CENPE: variants seen among roughly 807,000 people sequenced by gnomAD.
The protein encoded by CENPE is centromere protein E.
CENPE carries 145 observed loss-of-function variants against 336.1 expected under a neutral mutation model. The ratio of observed to expected loss-of-function variants is 0.43; its 90% CI spans 0.38 to 0.50. The LOEUF is 0.50. Among genes scored for constraint, CENPE ranks in the 20% least tolerant of loss-of-function variants. The pLI is 0.00. For synonymous variants in CENPE, 1,013 were observed against 984.8 expected (o/e 1.03, Z -0.54); for missense variants, 2,719 against 3,023.3 (o/e 0.90, Z 2.36).
intron 45 of CENPE, among the ~76,000 whole-genome samples, chr4:103,115,029 G>A (rs541749724): frequency 6.6e-6 from 1 of 152,274 alleles, no homozygotes; most frequent in Admixed American, 6.5e-5. Flanking sequence ...GACATTTTAT[G>A]AGTTGTTAGT....
At position 103,112,638 on chromosome 4, in the gene CENPE, G is replaced by GTC. The variant is rs1317443506; in HGVS notation, c.7541-1628_7541-1627insGA. 1.0e-4 allele frequency among the ~76,000 whole-genome samples: 13 copies of GTC among 128,600 alleles called. No individual in the cohort carries two copies. In the East Asian group the frequency reaches 1.5e-3, roughly 15 times the overall value. The allele number at this position is 128,600 out of a possible 152,430, so 84.4% of individuals were successfully genotyped here. ...TATATATACTTGTAAGTATATATAAGTGGATATATACTTATAAGTATATAT... is the reference window on the plus strand; with the variant it reads ...TATATATACTTGTAAGTATATATAAGTCTGGATATATACTTATAAGTATATAT... On this transcript the variant is annotated intron_variant, in intron 46 of 48. Transcript: ENST00000265148.
Position 103,133,709 on chromosome 4 carries a change from C to T in CENPE, c.6706G>A (p.Asp2236Asn). 6.3e-7 allele frequency: 1 copy of T among 1,579,978 alleles called. No homozygotes were observed. Among genetic ancestry groups the T allele is most frequent in the Non-Finnish European group, 8.7e-7 (1 of 1,152,930 alleles). Residue 2236 changes from aspartate (D) to asparagine (N), a missense_variant, in exon 41 of 49, where the codon GAT becomes AAT. Transcript: ENST00000265148. ...LRDLKLNQNM[D>N]LHIEEILKDF... ...ATAAATTATACCTCAATATGTAGAT[C>T]CATATTCTGGTTCAATTTGAGATCC...
At chr4:103,113,796 G>A (rs1040017824) in intron 46 of CENPE, among the ~76,000 whole-genome samples, 2 of 150,390 alleles carry the variant, frequency 1.3e-5, no homozygotes, top group East Asian at 1.9e-4. Context: ...CTAACCCCAC[G>A]ATTTCATATA....
chr4:103,175,746 G>C (rs1755799098), intron 15 of CENPE, among the ~76,000 whole-genome samples: 1 of 152,082 alleles, frequency 6.6e-6, no homozygotes, highest in African/African-American at 2.4e-5. Context: ...AAGAGCTAGA[G>C]GCAAAGGTTT....
chr4:103,191,707 A>G (rs1480617390), intron 8 of CENPE, among the ~76,000 whole-genome samples: 1 of 152,050 alleles, frequency 6.6e-6, no homozygotes, highest in Non-Finnish European at 1.5e-5. Flanking sequence ...TGACGAGTTA[A>G]TGGGTGCAGT....
Position 103,133,912 on chromosome 4 carries a change from C to A in CENPE, c.6523-20G>T. 1 of 1,497,254 alleles carries A rather than the reference C, an allele frequency of 6.7e-7. No homozygotes were observed. The highest frequency in any genetic ancestry group is 2.3e-5 in the East Asian group (1 of 43,198). The allele number at this position is 1,497,254 out of a possible 1,614,324, so 92.7% of individuals were successfully genotyped here. On this transcript the variant is annotated intron_variant, in intron 40 of 48. Transcript: ENST00000265148. Reference sequence around the variant, plus strand: ...CACATACTTGCAGAAAAAAATTAAACAAATTGGTAAATGAAAATTTTGTCA... The same window carrying A: ...CACATACTTGCAGAAAAAAATTAAAAAAATTGGTAAATGAAAATTTTGTCA...
At chr4:103,166,405 AG>A (rs759364141) in intron 16 of CENPE, among the ~76,000 whole-genome samples, 15 of 152,196 alleles carry the variant, frequency 9.9e-5, no homozygotes, top group African/African-American at 1.7e-4. Context: ...CATAAAACCT[AG>A]TTTTATTGAT....
intron 44 of CENPE, among the ~76,000 whole-genome samples, chr4:103,117,374 A>G (rs1331293617): frequency 6.6e-6 from 1 of 152,172 alleles, no homozygotes; most frequent in Non-Finnish European, 1.5e-5. Flanking sequence ...GGTTTTGACA[A>G]ATGTAAAATG....
intron 29 of CENPE, among the ~76,000 whole-genome samples, chr4:103,146,641 A>G (rs937982787): frequency 6.6e-6 from 1 of 152,166 alleles, no homozygotes; most frequent in African/African-American, 2.4e-5. Context: ...ATGAATTGAA[A>G]TAAGACCGGC....
chr4:103,141,974 GA>G, intron 34 of CENPE, 66 bp from the exon 35 acceptor site: 1 of 1,000,844 alleles, frequency 1.0e-6, no homozygotes, highest in Non-Finnish European at 1.5e-6. Context: ...AAAATAAAGT[GA>G]TATATTTTCT....
chr4:103,194,203 C>T, intron 8 of CENPE, 26 bp downstream of exon 8: 2 of 1,584,034 alleles, frequency 1.3e-6, no homozygotes, highest in Non-Finnish European at 1.7e-6. Context: ...CCATACAGTA[C>T]ATTATTATGG....
chr4:103,170,015 C>T (rs536873835), intron 16 of CENPE, among the ~76,000 whole-genome samples: 17 of 152,186 alleles, frequency 1.1e-4, no homozygotes, highest in African/African-American at 3.6e-4. Flanking sequence ...CCATCATTCT[C>T]AGCAAACTAA....
chr4:103,158,271 T>C (rs779674931), intron 24 of CENPE, 29 bp downstream of exon 24: 8 of 1,557,454 alleles, frequency 5.1e-6, no homozygotes, highest in Admixed American at 1.9e-5. Flanking sequence ...TACAAGCATA[T>C]GAAAACTCTG....
At chr4:103,183,020 G>C in intron 10 of CENPE, 129 bp from the exon 11 acceptor site, 1 of 975,480 alleles carries the variant, frequency 1.0e-6, no homozygotes, top group Non-Finnish European at 1.5e-6. Flanking sequence ...ATATGAGGCA[G>C]ATTAAAACTA....
In CENPE at chr4:103,172,376, C is replaced by A. The variant is rs1367126357; in HGVS notation, c.1647+2360G>T. 2.0e-5 allele frequency among the ~76,000 whole-genome samples: 3 copies of A among 152,000 alleles called. No homozygotes were observed. In the East Asian group the frequency reaches 5.8e-4, roughly 29 times the overall value. ...AGTCATACAATCACTTCAACAGATGCAGAAAAATCATGACAGAGTTCAATA... is the reference window on the plus strand; with the variant it reads ...AGTCATACAATCACTTCAACAGATGAAGAAAAATCATGACAGAGTTCAATA... On this transcript the variant is annotated intron_variant, in intron 16 of 48. Transcript: ENST00000265148.
intron 42 of CENPE, among the ~76,000 whole-genome samples, chr4:103,123,668 T>G (rs916968936): frequency 2.0e-5 from 3 of 152,218 alleles, no homozygotes; most frequent in Admixed American, 6.5e-5. Context: ...GTGTGATAAG[T>G]GCTTAGTTAA....
At chr4:103,186,005 C>T in intron 8 of CENPE, 144 bp from the exon 9 acceptor site, 1 of 510,794 alleles carries the variant, frequency 2.0e-6, no homozygotes, top group Admixed American at 3.7e-5. Flanking sequence ...TAGGCATTCC[C>T]TTTTTTCTCT....
chr4:103,144,679 T>G (rs935497564), intron 32 of CENPE, 61 bp from the exon 33 acceptor site: 5 of 1,162,746 alleles, frequency 4.3e-6, no homozygotes, highest in Non-Finnish European at 4.9e-6. Context: ...AAGGAAGAAC[T>G]GTTCCTAAAA....
chr4:103,110,760 T>C lies in CENPE; in HGVS notation c.7724+68A>G, dbSNP rs1749333872. The C allele has an allele frequency of 4.8e-6, 6 of 1,255,292 alleles. No individual in the cohort carries two copies. In the South Asian group the frequency reaches 8.4e-5, roughly 18 times the overall value. 77.8% of individuals were successfully genotyped at this position (1,255,292 alleles called of 1,614,324 possible). A position where few individuals can be genotyped will look rare whatever the true frequency, so the allele number is the denominator to read the frequency against. Reference sequence around the variant, plus strand: ...TTACCACCTGCAAAAAATACGTGCATATACCATGTCCCTACATATATGTAA... The same window carrying C: ...TTACCACCTGCAAAAAATACGTGCACATACCATGTCCCTACATATATGTAA... On this transcript the variant is annotated intron_variant, in intron 47 of 48. Coordinates refer to ENST00000265148, the MANE Select transcript of CENPE (RefSeq NM_001813.3).
Sources: allele counts gnomAD v4.1 joint callset (sites outside exome capture counted in the v4.1 genomes callset), GRCh38; gene constraint gnomAD v4.1.1; transcripts MANE v1.5; gene names NCBI Gene and HGNC (gene_info 2026-07-23, HGNC 2026-07-21).